Variants in MOXD1 observed in about 807,000 individuals in gnomAD.
MOXD1 encodes the protein monooxygenase DBH like 1.
Under a neutral mutation model 66.6 loss-of-function variants are expected in MOXD1, and 62 were observed. That is an observed-to-expected ratio of 0.93 (90% CI 0.76 to 1.15). The LOEUF (loss-of-function observed/expected upper bound fraction) is 1.15. Ranked by LOEUF, MOXD1 falls within the 50% of genes most tolerant of loss-of-function variation. The pLI is 0.00. For synonymous variants in MOXD1, 303 were observed against 281.9 expected (o/e 1.07, Z -0.75); for missense variants, 847 against 754.6 (o/e 1.12, Z -1.44).
At chr6:132,379,691 C>T (rs544877403) in intron 1 of MOXD1, among the ~76,000 whole-genome samples, 1 of 152,296 alleles carries the variant, frequency 6.6e-6, no homozygotes, top group African/African-American at 2.4e-5. Context: ...AAGTATTTTT[C>T]ACTTGGAAGT....
At chr6:132,387,969 C>A (rs1776686709) in intron 1 of MOXD1, among the ~76,000 whole-genome samples, 1 of 151,268 alleles carries the variant, frequency 6.6e-6, no homozygotes, top group South Asian at 2.1e-4. Context: ...AATTTGTGTA[C>A]TGAAACCATA....
In MOXD1 at chr6:132,327,952, C is replaced by A. The variant is rs527981136; in HGVS notation, c.946+61G>T. On this transcript the variant is annotated intron_variant, in intron 6 of 11. Transcript: ENST00000367963. The stretch of plus-strand genomic sequence containing the variant: ...TATTTTGTTTCAACTCTGTTAAAGA[C>A]TTACAAGGTACAAAACTTTTTATAA... 311 of 1,363,228 alleles carry A rather than the reference C, an allele frequency of 2.3e-4. 10 individuals carry two copies. The South Asian group carries it at 3.6e-3, about 16-fold the overall frequency. The allele number at this position is 1,363,228 out of a possible 1,614,324, so 84.4% of individuals were successfully genotyped here. A position where few individuals can be genotyped will look rare whatever the true frequency, so the allele number is the denominator to read the frequency against.
rs1282077933 is a variant in MOXD1, at chr6:132,310,138, ACTT to A, written c.1508+5494_1508+5496del. Among the ~76,000 whole-genome samples, 3 of 152,224 alleles carry A rather than the reference ACTT, an allele frequency of 2.0e-5. No individual in the cohort carries two copies. The East Asian group carries it at 5.8e-4, about 29-fold the overall frequency. ...ATCTAATATCCAGAACTTACAAGGA[ACTT>A]AAACAAATTTACAAGAAAAAAACAA... On this transcript the variant is annotated intron_variant, in intron 10 of 11. Coordinates refer to ENST00000367963, the MANE Select transcript of MOXD1 (RefSeq NM_015529.4).
intron 4 of MOXD1, among the ~76,000 whole-genome samples, chr6:132,367,822 G>A (rs1776177326): frequency 6.6e-6 from 1 of 151,964 alleles, no homozygotes; most frequent in South Asian, 2.1e-4. Flanking sequence ...TTTTCTGTAA[G>A]TTACATGACT....
chr6:132,297,930 G>C lies in MOXD1; in HGVS notation c.1534C>G (p.Pro512Ala). 6.2e-7 allele frequency: 1 copy of C among 1,609,786 alleles called. No homozygotes were observed. Among genetic ancestry groups the C allele is most frequent in the Non-Finnish European group, 8.5e-7 (1 of 1,178,634 alleles). ...AAAGAAAGGTTTTTATATTGCTTGGGACTTTTGATAATGAAAGGCCAGGTC... is the reference window on the plus strand; with the variant it reads ...AAAGAAAGGTTTTTATATTGCTTGGCACTTTTGATAATGAAAGGCCAGGTC... ...VTTWPFIIKS[P>A]KQYKNLSFMD... Residue 512 changes from proline to alanine, a missense_variant, in exon 11 of 12, where the codon CCC (proline) becomes GCC (alanine). Transcript: ENST00000367963.
chr6:132,339,176 C>T (rs1244865132), intron 4 of MOXD1, among the ~76,000 whole-genome samples: 1 of 152,098 alleles, frequency 6.6e-6, no homozygotes, highest in Non-Finnish European at 1.5e-5. Context: ...TAAGACTTAG[C>T]TATATTTTCT....
At chr6:132,338,542 C>A (rs1775485783) in intron 4 of MOXD1, among the ~76,000 whole-genome samples, 1 of 152,288 alleles carries the variant, frequency 6.6e-6, no homozygotes, top group East Asian at 1.9e-4. Flanking sequence ...AACAGAATCA[C>A]ACTCTTGCTC....
intron 1 of MOXD1, among the ~76,000 whole-genome samples, chr6:132,397,910 T>C (rs1170290423): frequency 6.6e-6 from 1 of 152,226 alleles, no homozygotes; most frequent in Non-Finnish European, 1.5e-5. Flanking sequence ...TTTTAATTTA[T>C]ATAAATGTAT....
chr6:132,397,699 A>AAAGAAAGG (rs1776928191), intron 1 of MOXD1, among the ~76,000 whole-genome samples: 1 of 149,610 alleles, frequency 6.7e-6, no homozygotes, highest in Admixed American at 6.7e-5. Context: ...AGAAAGAAAG[A>AAAGAAAGG]AAAAGAAAGA....
intron 1 of MOXD1, among the ~76,000 whole-genome samples, chr6:132,386,423 C>CAAAAA (rs1221040038): frequency 1.3e-5 from 1 of 79,200 alleles, no homozygotes; most frequent in African/African-American, 4.6e-5. Context: ...CAAAACAAAA[C>CAAAAA]AAAACAAAAC....
intron 4 of MOXD1, among the ~76,000 whole-genome samples, chr6:132,354,837 G>C (rs548056997): frequency 6.6e-6 from 1 of 152,144 alleles, no homozygotes; most frequent in Non-Finnish European, 1.5e-5. Context: ...TGCAGCTGCT[G>C]TGGGGAATGG....
Position 132,303,806 on chromosome 6 carries a change from CATGTGTGTGTGTGT to C in MOXD1, c.1509-5865_1509-5852del, listed in dbSNP as rs1166129259. Among the ~76,000 whole-genome samples, 22 of 91,332 alleles carry C rather than the reference CATGTGTGTGTGTGT, an allele frequency of 2.4e-4. No individual in the cohort carries two copies. In the East Asian group the frequency reaches 5.1e-3, roughly 21 times the overall value. The allele number at this position is 91,332 out of a possible 152,430, so 59.9% of individuals were successfully genotyped here. A position where few individuals can be genotyped will look rare whatever the true frequency, so the allele number is the denominator to read the frequency against. On this transcript the variant is annotated intron_variant, in intron 10 of 11. Transcript: ENST00000367963. ...ACACATATATACATATATACACACA[CATGTGTGTGTGTGT>C]GTGTGTGTGTGTGTGTATATATATA...
At chr6:132,348,989 A>AT (rs1307816133) in intron 4 of MOXD1, among the ~76,000 whole-genome samples, 1 of 150,892 alleles carries the variant, frequency 6.6e-6, no homozygotes, top group Non-Finnish European at 1.5e-5. Context: ...TTTATTTTTT[A>AT]TTTTTCCAAG....
At chr6:132,330,727 T>C (rs1243489741) in intron 4 of MOXD1, among the ~76,000 whole-genome samples, 1 of 152,248 alleles carries the variant, frequency 6.6e-6, no homozygotes, top group Non-Finnish European at 1.5e-5. Context: ...ACTTTCAGCA[T>C]GCACATTTAC....
intron 1 of MOXD1, among the ~76,000 whole-genome samples, chr6:132,382,692 A>G (rs1392837542): frequency 6.6e-6 from 1 of 152,188 alleles, no homozygotes; most frequent in Admixed American, 6.5e-5. Context: ...GCTTTGAAAA[A>G]TGTATGAAAT....
chr6:132,308,759 A>C (rs1774754635), intron 10 of MOXD1, among the ~76,000 whole-genome samples: 2 of 152,198 alleles, frequency 1.3e-5, no homozygotes. Context: ...AACAGAATCA[A>C]AGTCAAAAAC....
At chr6:132,319,208 AT>A (rs1775022983) in intron 9 of MOXD1, among the ~76,000 whole-genome samples, 1 of 152,042 alleles carries the variant, frequency 6.6e-6, no homozygotes, top group Non-Finnish European at 1.5e-5. Flanking sequence ...GTTTATATAA[AT>A]TAAAAAATAC....
intron 10 of MOXD1, among the ~76,000 whole-genome samples, chr6:132,303,835 GTATA>G (rs1158339059): frequency 0.044 from 2,069 of 47,102 alleles, 17 homozygotes; most frequent in Middle Eastern, 0.059. Flanking sequence ...GTGTGTGTGT[GTATA>G]TATATATATA....
chr6:132,339,018 A>G (rs1179061709), intron 4 of MOXD1, among the ~76,000 whole-genome samples: 1 of 152,232 alleles, frequency 6.6e-6, no homozygotes, highest in African/African-American at 2.4e-5. Flanking sequence ...ATATTTCAAA[A>G]TCTAATTTTA....
Sources: allele counts gnomAD v4.1 joint callset (sites outside exome capture counted in the v4.1 genomes callset), GRCh38; gene constraint gnomAD v4.1.1; transcripts MANE v1.5; gene names NCBI Gene and HGNC (gene_info 2026-07-23, HGNC 2026-07-21).